JAKMIP1: variants seen among roughly 807,000 people sequenced by gnomAD.
JAKMIP1 encodes the protein janus kinase and microtubule interacting protein 1, also known as janus kinase and microtubule-interacting protein 1.
In JAKMIP1, 33 loss-of-function variants were observed where a neutral mutation model predicts 113.0. The ratio of observed to expected loss-of-function variants is 0.29; its 90% CI spans 0.22 to 0.39. The LOEUF (loss-of-function observed/expected upper bound fraction) is 0.39, where lower values mean the gene tolerates loss of function less well. JAKMIP1 is among the 10% of genes least tolerant of loss of function. The pLI, the probability that JAKMIP1 is intolerant of heterozygous loss-of-function variation, is 1.00. For missense variants in JAKMIP1, 813 were observed against 1,080.5 expected (o/e 0.75, Z 3.47); for synonymous variants, 480 against 459.9 (o/e 1.04, Z -0.56).
intron 3 of JAKMIP1, among the ~76,000 whole-genome samples, chr4:6,085,932 A>G (rs1198355026): frequency 6.6e-6 from 1 of 152,066 alleles, no homozygotes; most frequent in African/African-American, 2.4e-5. Flanking sequence ...ACAATAAAAC[A>G]CTGCCGGCCC....
chr4:6,026,854 G>A (rs4689320), intron 20 of JAKMIP1, among the ~76,000 whole-genome samples: 142,583 of 150,798 alleles, frequency 0.95, 67,481 homozygotes, highest in East Asian at 1. Flanking sequence ...AAACATTATG[G>A]AATTTCTTTG....
At chr4:6,131,151 G>C (rs1256946974) in intron 1 of JAKMIP1, among the ~76,000 whole-genome samples, 2 of 16,508 alleles carry the variant, frequency 1.2e-4, no homozygotes, top group African/African-American at 3.3e-4. Context: ...GACAGAGTAA[G>C]ACCTTGCCTC....
rs143067498 is a variant in JAKMIP1 at position 6,180,105 on chromosome 4, T to G, written c.-148+20148A>C. ...TAGAACAAAGCATATTGACAGAAAA[T>G]TAAGTGCCACTGAATTAGCCCCAAC... On this transcript the variant is annotated intron_variant, in intron 1 of 20. Coordinates refer to ENST00000409021, the MANE Select transcript of JAKMIP1 (RefSeq NM_001099433.2). This position sits in a 1 kb window ranked among gnomAD's most constrained non-coding sequence, Gnocchi z 4.5. Among the ~76,000 whole-genome samples, 43 of 152,216 alleles carry G rather than the reference T, an allele frequency of 2.8e-4. 1 individual carries two copies. The East Asian group carries it at 5.6e-3, about 20-fold the overall frequency.
intron 1 of JAKMIP1, among the ~76,000 whole-genome samples, chr4:6,124,534 T>G (rs1717149029): frequency 1.3e-5 from 2 of 152,206 alleles, no homozygotes; most frequent in Non-Finnish European, 1.5e-5. Flanking sequence ...CCTGTCTGCA[T>G]TCGTGTGACA....
Position 6,086,730 on chromosome 4 carries a change from G to A in JAKMIP1, c.625-1101C>T, listed in dbSNP as rs576453020. 6.6e-6 allele frequency among the ~76,000 whole-genome samples: 1 copy of A among 152,222 alleles called. No homozygotes were observed. The highest frequency in any genetic ancestry group is 2.4e-5 in the African/African-American group (1 of 41,520). ...CAGAATGGGACCTTATTTGGAAAGA[G>A]GGTAACTGCAGGTGCAATTAGTTAA... is the stretch of plus-strand genomic sequence containing the variant. On this transcript the variant is annotated intron_variant, in intron 3 of 20. Transcript: ENST00000409021. The surrounding 1 kb of genome is among the most constrained non-coding windows in gnomAD (Gnocchi z 4.1).
chr4:6,033,890 T>C (rs369933657), intron 19 of JAKMIP1, among the ~76,000 whole-genome samples: 6 of 152,250 alleles, frequency 3.9e-5, no homozygotes, highest in African/African-American at 1.4e-4. Context: ...AAAACATCAA[T>C]AGTTAACCCT....
At chr4:6,071,682 G>A (rs889775861) in intron 8 of JAKMIP1, among the ~76,000 whole-genome samples, 6 of 152,222 alleles carry the variant, frequency 3.9e-5, no homozygotes, top group Non-Finnish European at 8.8e-5. Context: ...AGGCTCCCGA[G>A]CTCTGCTCTA....
Position 6,049,963 on chromosome 4 carries a change from C to G in JAKMIP1, c.1909-91G>C. The G allele has an allele frequency of 2.3e-6, 2 of 862,500 alleles. No individual in the cohort carries two copies. The highest frequency in any genetic ancestry group is 3.0e-5 in the South Asian group (2 of 66,492). 53.4% of individuals were successfully genotyped at this position (862,500 alleles called of 1,614,324 possible). The stretch of plus-strand genomic sequence containing the variant: ...GCCACGGCCTTTCCTCTGGACAAGA[C>G]ACCGCGCTCTTTCTTTTCTTTTCTG... On this transcript the variant is annotated intron_variant, in intron 14 of 20. Transcript: ENST00000409021. The surrounding 1 kb of genome is among the most constrained non-coding windows in gnomAD (Gnocchi z 7.0).
intron 1 of JAKMIP1, among the ~76,000 whole-genome samples, chr4:6,165,719 A>C (rs569933638): frequency 7.9e-5 from 12 of 152,362 alleles, no homozygotes; most frequent in African/African-American, 2.6e-4. Flanking sequence ...AAATCAAAAA[A>C]TTCATGTGAC....
chr4:6,073,795 A>G (rs1719306535), intron 8 of JAKMIP1, among the ~76,000 whole-genome samples: 1 of 152,236 alleles, frequency 6.6e-6, no homozygotes, highest in Non-Finnish European at 1.5e-5. Flanking sequence ...GCTTGGGGCT[A>G]CAATTTCCCA....
At chr4:6,102,661 C>T (rs1713240881) in intron 3 of JAKMIP1, among the ~76,000 whole-genome samples, 1 of 149,046 alleles carries the variant, frequency 6.7e-6, no homozygotes, top group Non-Finnish European at 1.5e-5. Context: ...CTTGGGTTTG[C>T]TACATCACAA....
At chr4:6,084,074 T>G (rs1210503766) in intron 5 of JAKMIP1, among the ~76,000 whole-genome samples, 2 of 152,136 alleles carry the variant, frequency 1.3e-5, no homozygotes, top group Non-Finnish European at 2.9e-5. Flanking sequence ...TCCCAGCACT[T>G]TGGGAGGCTG....
intron 1 of JAKMIP1, among the ~76,000 whole-genome samples, chr4:6,170,526 TATCACCACCACCACCACCTCC>T (rs1724413025): frequency 7.6e-5 from 1 of 13,208 alleles, no homozygotes; most frequent in Non-Finnish European, 1.5e-4. Flanking sequence ...TCACCACCAT[TATCACCACCACCACCACCTCC>T]ATCACCATCA....
intron 3 of JAKMIP1, among the ~76,000 whole-genome samples, chr4:6,096,398 T>C (rs972423218): frequency 6.6e-6 from 1 of 152,244 alleles, no homozygotes; most frequent in African/African-American, 2.4e-5. Context: ...TTTTATACAC[T>C]GAGGATGTTA....
chr4:6,099,859 G>C (rs890096445), intron 3 of JAKMIP1, among the ~76,000 whole-genome samples: 1 of 152,172 alleles, frequency 6.6e-6, no homozygotes, highest in Non-Finnish European at 1.5e-5. Flanking sequence ...TGAGTTAACA[G>C]ATGTCTCTGT....
chr4:6,027,138 A>G (rs1711960716), intron 20 of JAKMIP1, among the ~76,000 whole-genome samples: 1 of 152,212 alleles, frequency 6.6e-6, no homozygotes, highest in Non-Finnish European at 1.5e-5. Flanking sequence ...ACTCAAAAGT[A>G]GAATTTTTTT....
intron 16 of JAKMIP1, among the ~76,000 whole-genome samples, chr4:6,047,747 G>C (rs145886811): frequency 6.6e-6 from 1 of 152,302 alleles, no homozygotes; most frequent in East Asian, 1.9e-4. Flanking sequence ...TCCCAACTAA[G>C]ATCATTAAGA....
At chr4:6,133,884 C>A (rs1718869476) in intron 1 of JAKMIP1, among the ~76,000 whole-genome samples, 1 of 152,196 alleles carries the variant, frequency 6.6e-6, no homozygotes, top group South Asian at 2.1e-4. Flanking sequence ...CTGCAGGGAC[C>A]TTTGAAGCCA....
chr4:6,095,529 C>G (rs1304920558), intron 3 of JAKMIP1, among the ~76,000 whole-genome samples: 1 of 152,164 alleles, frequency 6.6e-6, no homozygotes, highest in Non-Finnish European at 1.5e-5. Context: ...GCCATACATC[C>G]TGTTTTTTAA....
Sources: allele counts gnomAD v4.1 joint callset (sites outside exome capture counted in the v4.1 genomes callset), GRCh38; gene constraint gnomAD v4.1.1; non-coding constraint Gnocchi (gnomAD v3.1); transcripts MANE v1.5; gene names NCBI Gene and HGNC (gene_info 2026-07-23, HGNC 2026-07-21).